CCDC91: variants seen among roughly 807,000 people sequenced by gnomAD.
CCDC91 encodes coiled-coil domain containing 91, also known as coiled-coil domain-containing protein 91.
CCDC91 carries 48 observed loss-of-function variants against 63.2 expected under a neutral mutation model. The observed-to-expected ratio is 0.76, with a 90% CI of 0.60 to 0.97. CCDC91 has a LOEUF of 0.97. Among genes scored for constraint, CCDC91 ranks in the 50% least tolerant of loss-of-function variants. The probability of loss-of-function intolerance (pLI) is 0.00; values close to 1 mark genes in which losing one functional copy is unlikely to be tolerated. For missense variants in CCDC91, 500 were observed against 494.6 expected (o/e 1.01, Z -0.10); for synonymous variants, 167 against 165.8 (o/e 1.01, Z -0.06).
intron 3 of CCDC91, among the ~76,000 whole-genome samples, chr12:28,300,988 G>A (rs1938013148): frequency 6.6e-6 from 1 of 151,466 alleles, no homozygotes; most frequent in African/African-American, 2.4e-5. Flanking sequence ...TATTATTAGA[G>A]TTAATTTTAT....
In CCDC91 at chr12:28,452,525, A is replaced by G; in HGVS notation, c.972A>G (p.Glu324=). Residue 324 remains glutamate, a synonymous_variant, in exon 11 of 13, where the codon GAA becomes GAG. Coordinates refer to ENST00000536442, the MANE Select transcript of CCDC91 (RefSeq NM_018318.5). ...ATGCAGTTTTAAAAGTCGTAGAAGA[A>G]GAAAGAAAAAATTTAGAAAAAGCGC... ...VKDAVLKVVE[E]ERKNLEKAHA... is the part of the protein sequence containing the mutation. 2 of 1,589,238 alleles carry G rather than the reference A, an allele frequency of 1.3e-6. No homozygotes were observed. The highest frequency in any genetic ancestry group is 1.7e-6 in the Non-Finnish European group (2 of 1,168,214).
intron 7 of CCDC91, among the ~76,000 whole-genome samples, chr12:28,369,965 C>T (rs1255093495): frequency 1.3e-5 from 2 of 152,148 alleles, no homozygotes; most frequent in Non-Finnish European, 2.9e-5. Flanking sequence ...AACCATTTTT[C>T]CCTCCTAGGC....
In CCDC91 at chr12:28,293,401, G is replaced by A. The variant is rs117037248; in HGVS notation, c.110-12248G>A. ...TTTCCTATTATAATTAACTGGATGGGCAGAAGGGGACTTTAAAGTAGTTTT... is the reference window on the plus strand; with the variant it reads ...TTTCCTATTATAATTAACTGGATGGACAGAAGGGGACTTTAAAGTAGTTTT... On this transcript the variant is annotated intron_variant, in intron 3 of 12. Transcript: ENST00000536442. Among the ~76,000 whole-genome samples, 1,076 of 152,286 alleles carry A rather than the reference G, an allele frequency of 7.1e-3. 6 individuals carry two copies. The highest frequency in any genetic ancestry group is 0.014 in the Middle Eastern group (4 of 294).
intron 8 of CCDC91, among the ~76,000 whole-genome samples, 162 bp downstream of exon 8, chr12:28,391,573 C>T (rs1261616465): frequency 6.6e-6 from 1 of 152,082 alleles, no homozygotes; most frequent in Non-Finnish European, 1.5e-5. Context: ...ATGACAGACT[C>T]AAAATAGAAC....
chr12:28,420,069 T>C (rs1205607516), intron 8 of CCDC91, among the ~76,000 whole-genome samples: 2 of 152,146 alleles, frequency 1.3e-5, no homozygotes, highest in Non-Finnish European at 2.9e-5. Context: ...AAAATTTCTT[T>C]GGAAAACCAC....
chr12:28,226,079 TAGTTATACATCTCCTTATTGATTTAACC>T (rs1481615280), intron 1 of CCDC91: 45 of 152,250 alleles, frequency 3.0e-4, no homozygotes, highest in Admixed American at 2.2e-3. Context: ...TGTGAGATAC[TAGTTATACATCTCCTTATTGATTTAACC>T]AGTTTTATTT....
chr12:28,216,040 CGTT>C (rs1173908074), intron 1 of CCDC91, among the ~76,000 whole-genome samples: 4 of 151,900 alleles, frequency 2.6e-5, no homozygotes, highest in Admixed American at 6.6e-5. Flanking sequence ...AGTACTTAAT[CGTT>C]GTTGTTTTGT....
chr12:28,253,339 C>A (rs1324613093), intron 1 of CCDC91, among the ~76,000 whole-genome samples: 1 of 152,122 alleles, frequency 6.6e-6, no homozygotes, highest in Non-Finnish European at 1.5e-5. Flanking sequence ...CACCCTCTCC[C>A]CTCCCCAAGA....
rs116085533 is a variant in CCDC91, at chr12:28,244,826, C to T, written c.-14-12376C>T. On this transcript the variant is annotated intron_variant, in intron 1 of 12. Transcript: ENST00000536442. ...AGCACATTGCAGTGAGCTGAGATTG[C>T]GCCATTGCACTCCAGCATGGGCAAC... Among the ~76,000 whole-genome samples the T allele has an allele frequency of 6.0e-3, 896 of 150,024 alleles. 9 individuals are homozygous for T. The highest frequency in any genetic ancestry group is 0.021 in the African/African-American group (841 of 40,864).
Position 28,350,829 on chromosome 12 carries a change from T to C in CCDC91, c.577-11609T>C, listed in dbSNP as rs145187692. On this transcript the variant is annotated intron_variant, in intron 6 of 12. Coordinates refer to ENST00000536442, the MANE Select transcript of CCDC91 (RefSeq NM_018318.5). ...TATCTTCTCCTGGCCCTCTTCCCTG[T>C]GTCTCAAATATCCCTCTCTTTTCTC... 1.3e-3 allele frequency among the ~76,000 whole-genome samples: 198 copies of C among 152,296 alleles called. 5 individuals are homozygous for C. The East Asian group carries it at 0.034, about 26-fold the overall frequency.
intron 8 of CCDC91, among the ~76,000 whole-genome samples, chr12:28,391,986 A>G (rs1945976646): frequency 6.6e-6 from 1 of 152,220 alleles, no homozygotes; most frequent in Non-Finnish European, 1.5e-5. Context: ...GAATGTGAAA[A>G]TTAAATTGAC....
At chr12:28,363,723 A>G (rs561626277) in intron 7 of CCDC91, among the ~76,000 whole-genome samples, 1 of 151,582 alleles carries the variant, frequency 6.6e-6, no homozygotes, top group African/African-American at 2.4e-5. Flanking sequence ...TAATAATACA[A>G]AAAATTAGCC....
At chr12:28,305,965 A>T (rs1448195309) in intron 4 of CCDC91, among the ~76,000 whole-genome samples, 159 bp downstream of exon 4, 1 of 152,138 alleles carries the variant, frequency 6.6e-6, no homozygotes, top group African/African-American at 2.4e-5. Context: ...GAATTCAAAA[A>T]AACTATATAA....
chr12:28,493,288 G>T (rs1305355743), intron 12 of CCDC91, among the ~76,000 whole-genome samples: 4 of 151,340 alleles, frequency 2.6e-5, no homozygotes, highest in African/African-American at 4.9e-5. Flanking sequence ...GATCTACCTT[G>T]GTAAATTTTT....
intron 12 of CCDC91, among the ~76,000 whole-genome samples, chr12:28,542,319 G>A (rs1156699125): frequency 6.6e-6 from 1 of 152,002 alleles, no homozygotes; most frequent in African/African-American, 2.4e-5. Flanking sequence ...GTGGTCAAAA[G>A]GTTTTAAGAC....
chr12:28,316,903 C>T (rs572513037), intron 6 of CCDC91, among the ~76,000 whole-genome samples: 6 of 152,020 alleles, frequency 3.9e-5, no homozygotes, highest in African/African-American at 1.2e-4. Context: ...AATTTGTCCT[C>T]AGTGTCGGGC....
chr12:28,262,141 A>G (rs1341758005), intron 3 of CCDC91, among the ~76,000 whole-genome samples: 6 of 152,004 alleles, frequency 3.9e-5, no homozygotes, highest in South Asian at 2.1e-4. Flanking sequence ...CACAGTAAAG[A>G]CCTGAGAAGA....
intron 6 of CCDC91, among the ~76,000 whole-genome samples, chr12:28,317,793 T>A (rs926488914): frequency 1.4e-4 from 22 of 151,956 alleles, no homozygotes; most frequent in African/African-American, 4.8e-4. Context: ...CACTGAAACA[T>A]ATAACTTGTA....
rs547630513 is a variant in CCDC91, at chr12:28,364,739, G to A, written c.654+2224G>A. ...GCATACGGTAAAATAATTATCACAT[G>A]AACTTCTCATGCATGAATGTAGGAT... is the stretch of plus-strand genomic sequence containing the variant. On this transcript the variant is annotated intron_variant, in intron 7 of 12. Transcript: ENST00000536442. Among the ~76,000 whole-genome samples the A allele has an allele frequency of 1.4e-3, 209 of 152,202 alleles. 1 individual carries two copies. Among genetic ancestry groups the A allele is most frequent in the Non-Finnish European group, 2.6e-3 (174 of 67,998 alleles).
Sources: gnomAD v4.1 joint callset for allele counts (sites outside exome capture counted in the v4.1 genomes callset) on GRCh38, gnomAD v4.1.1 for gene constraint, MANE v1.5 for transcripts, NCBI Gene and HGNC (gene_info 2026-07-23, HGNC 2026-07-21) for gene names.